ASB4: variants seen among roughly 807,000 people sequenced by gnomAD.
ASB4 encodes the protein ankyrin repeat and SOCS box containing 4.
In ASB4, 35 loss-of-function variants were observed where a neutral mutation model predicts 38.6. The ratio of observed to expected loss-of-function variants is 0.91; its 90% CI spans 0.69 to 1.20. The LOEUF (loss-of-function observed/expected upper bound fraction) is 1.20. Among genes scored for constraint, ASB4 ranks in the 50% most tolerant of loss-of-function variants. The probability of loss-of-function intolerance (pLI) is 0.00; values close to 1 mark genes in which losing one functional copy is unlikely to be tolerated. For synonymous variants in ASB4, 195 were observed against 201.3 expected, an observed-to-expected ratio of 0.97 and a Z score of 0.26; for missense variants, 557 against 527.2, an observed-to-expected ratio of 1.06 and a Z score of -0.55.
At chr7:95,473,516 T>C (rs2116558363), upstream of ASB4, among the ~76,000 whole-genome samples, 1 of 152,316 alleles carries the variant, frequency 6.6e-6, no homozygotes, top group East Asian at 1.9e-4. Context: ...GACCTCGTAC[T>C]GTTTGTCCTT....
At chr7:95,534,384 C>T (rs1352417542) in intron 3 of ASB4, among the ~76,000 whole-genome samples, 1 of 151,928 alleles carries the variant, frequency 6.6e-6, no homozygotes, top group African/African-American at 2.4e-5. Flanking sequence ...ATTATCTGTC[C>T]ATCCCAGATT....
intron 1 of ASB4, 53 bp from the exon 2 acceptor site, chr7:95,495,705 A>G: frequency 1.3e-6 from 2 of 1,513,658 alleles, no homozygotes; most frequent in Non-Finnish European, 1.8e-6. Flanking sequence ...AACAGGGAGA[A>G]AGCCTAGGTC....
the ASB4 span, among the ~76,000 whole-genome samples, chr7:95,470,974 A>G: frequency 2.0e-5 from 3 of 152,116 alleles, no homozygotes; most frequent in Non-Finnish European, 4.4e-5. Flanking sequence ...CAGAGCCCTA[A>G]ATTCAACTCC....
chr7:95,484,314 G>C (rs1349096623), upstream of ASB4, among the ~76,000 whole-genome samples: 1 of 152,142 alleles, frequency 6.6e-6, no homozygotes, highest in East Asian at 1.9e-4. Context: ...TCTGGTGACA[G>C]AGTGAGATCC....
rs375286869 is a variant in ASB4, at chr7:95,528,035, T to A, written c.710T>A (p.Met237Lys). The A allele has an allele frequency of 2.5e-6, 4 of 1,614,026 alleles. No homozygotes were observed. In the African/African-American group the frequency reaches 4.0e-5, roughly 16 times the overall value. The change falls in exon 3 of 5, where the codon ATG becomes AAG. Residue 237 changes from methionine (M) to lysine (K), a missense_variant. Transcript: ENST00000325885. ...ACGGAGCACCACCTGGTCTGCCGCA[T>A]GCTGCTTGACTACAAAGCCGAAGTC... ...YSTEHHLVCR[M>K]LLDYKAEVNA...
At chr7:95,541,110 T>C (rs1429280952), downstream of ASB4, among the ~76,000 whole-genome samples, 2 of 152,202 alleles carry the variant, frequency 1.3e-5, no homozygotes, top group Non-Finnish European at 2.9e-5. Context: ...GTAGATGCAT[T>C]ACAGTTAGGT....
At chr7:95,471,731 TG>T in the ASB4 span, 2 of 151,986 alleles carry the variant, frequency 1.3e-5, no homozygotes, top group African/African-American at 4.8e-5. Context: ...GTGGCAACAG[TG>T]GAGTTGACTG....
intron 2 of ASB4, among the ~76,000 whole-genome samples, chr7:95,499,384 A>T (rs115325713): frequency 1.3e-5 from 2 of 152,230 alleles, no homozygotes; most frequent in African/African-American, 4.8e-5. Context: ...TATACTGATA[A>T]GTAAAATTGG....
chr7:95,489,522 GAA>G (rs1021438448), intron 1 of ASB4, among the ~76,000 whole-genome samples: 1 of 152,152 alleles, frequency 6.6e-6, no homozygotes, highest in Non-Finnish European at 1.5e-5. Flanking sequence ...ATCTGCAGAT[GAA>G]ATCATGTTTT....
downstream of ASB4, chr7:95,544,377 A>G (rs1413911754): frequency 6.6e-6 from 1 of 152,234 alleles, no homozygotes; most frequent in African/African-American, 2.4e-5. Context: ...GATGGACAAC[A>G]AAAGGTCTCT....
intron 3 of ASB4, among the ~76,000 whole-genome samples, chr7:95,534,599 C>T (rs1367076820): frequency 6.6e-6 from 1 of 152,158 alleles, no homozygotes; most frequent in East Asian, 1.9e-4. Flanking sequence ...TTAGCCTCCC[C>T]TCCACTCTCT....
chr7:95,482,521 G>A (rs891556849), upstream of ASB4, among the ~76,000 whole-genome samples: 1 of 152,174 alleles, frequency 6.6e-6, no homozygotes, highest in Non-Finnish European at 1.5e-5. Context: ...CACTTACAAA[G>A]ACAGCCGTTG....
In ASB4 at chr7:95,539,405, T is replaced by C. The variant is rs1441949853; in HGVS notation, c.*1646T>C. On this transcript the variant is annotated 3_prime_UTR_variant, in exon 5 of 5. Transcript: ENST00000325885. ...TACAATAATCTCTTTTAAGTATCAG[T>C]TTTACTCAGATATTTTGGTGGAGAT... 6.6e-6 allele frequency: 1 copy of C among 152,198 alleles called. No homozygotes were observed. The highest frequency in any genetic ancestry group is 1.5e-5 in the Non-Finnish European group (1 of 68,034). The allele number at this position is 152,198 out of a possible 1,614,324, so 9.4% of individuals were successfully genotyped here. A position where few individuals can be genotyped will look rare whatever the true frequency, so the allele number is the denominator to read the frequency against.
chr7:95,497,522 A>C (rs1358926707), intron 2 of ASB4, among the ~76,000 whole-genome samples: 1 of 152,206 alleles, frequency 6.6e-6, no homozygotes, highest in African/African-American at 2.4e-5. Context: ...AGAGGCACCT[A>C]TGTAGGGATA....
intron 1 of ASB4, among the ~76,000 whole-genome samples, chr7:95,494,083 C>T (rs936337580): frequency 6.6e-6 from 1 of 152,122 alleles, no homozygotes; most frequent in Non-Finnish European, 1.5e-5. Context: ...ATACAGTGGT[C>T]CTTTAGGACA....
chr7:95,515,316 T>C (rs148706073), intron 2 of ASB4, among the ~76,000 whole-genome samples: 17,176 of 95,010 alleles, frequency 0.18, 1,751 homozygotes, highest in South Asian at 0.27. Flanking sequence ...TTTCTTTCTT[T>C]CTTCCTTCCT....
intron 1 of ASB4, among the ~76,000 whole-genome samples, chr7:95,480,748 C>T (rs145919755): frequency 1.3e-3 from 203 of 152,342 alleles, no homozygotes; most frequent in Non-Finnish European, 2.5e-3. Context: ...GCCTTTCCCA[C>T]TGTGTCCTGA....
chr7:95,500,277 G>A (rs1790316421), intron 2 of ASB4, among the ~76,000 whole-genome samples: 1 of 152,086 alleles, frequency 6.6e-6, no homozygotes, highest in Admixed American at 6.6e-5. Flanking sequence ...TATAAAAGAT[G>A]CCATGTGGCT....
chr7:95,514,209 A>T (rs1790523847), intron 2 of ASB4, among the ~76,000 whole-genome samples: 1 of 151,958 alleles, frequency 6.6e-6, no homozygotes, highest in African/African-American at 2.4e-5. Flanking sequence ...TTCTTTCTCT[A>T]CTCAGTCTGG....
Sources: gnomAD v4.1 joint callset for allele counts (sites outside exome capture counted in the v4.1 genomes callset) on GRCh38, gnomAD v4.1.1 for gene constraint, MANE v1.5 for transcripts, NCBI Gene and HGNC (gene_info 2026-07-23, HGNC 2026-07-21) for gene names.